The following KAZN variants were observed in gnomAD, a reference collection of about 807,000 sequenced individuals.
The protein encoded by KAZN is kazrin, periplakin interacting protein, also known as kazrin.
In KAZN, 40 loss-of-function variants were observed where a neutral mutation model predicts 87.4. The ratio of observed to expected loss-of-function variants is 0.46; its 90% CI spans 0.36 to 0.60. KAZN has a LOEUF of 0.60. Ranked by LOEUF, KAZN falls within the 20% of genes least tolerant of loss-of-function variation. The pLI, the probability that KAZN is intolerant of heterozygous loss-of-function variation, is 0.00. For synonymous variants in KAZN, 466 were observed against 458.3 expected (o/e 1.02, Z -0.22); for missense variants, 898 against 1,073.9 (o/e 0.84, Z 2.29).
At chr1:14,664,941 C>T (rs1016489387) in intron 1 of KAZN, among the ~76,000 whole-genome samples, 7 of 152,192 alleles carry the variant, frequency 4.6e-5, no homozygotes, top group Non-Finnish European at 8.8e-5. Flanking sequence ...AGGCATGAGC[C>T]ACCGCACCCG....
At chr1:14,798,416 C>CTTTTTTTTTT (rs545959773) in intron 1 of KAZN, among the ~76,000 whole-genome samples, 2 of 88,148 alleles carry the variant, frequency 2.3e-5, no homozygotes, top group Non-Finnish European at 4.1e-5. Context: ...TGTTTCTTTC[C>CTTTTTTTTTT]TTTTTTTTTT....
intron 2 of KAZN, among the ~76,000 whole-genome samples, chr1:14,292,755 T>C (rs1402177619): frequency 6.6e-6 from 1 of 152,224 alleles, no homozygotes; most frequent in Non-Finnish European, 1.5e-5. Context: ...ATTTCTCATG[T>C]TGGCCGCAGG....
chr1:13,943,452 ATT>A lies in KAZN; in HGVS notation c.91+49701_91+49702del, dbSNP rs937185545. On this transcript the variant is annotated intron_variant, in intron 1 of 16. Coordinates refer to the KAZN transcript ENST00000636203. ...AGACCCCATCTCTATGTTAAAAAAA[ATT>A]TTTTAAAAAAAATAATAACCACCTA... Among the ~76,000 whole-genome samples the A allele has an allele frequency of 2.0e-4, 29 of 144,698 alleles. 1 individual carries two copies. Among genetic ancestry groups the A allele is most frequent in the Middle Eastern group, 3.8e-3 (1 of 260 alleles). 94.9% of individuals were successfully genotyped at this position (144,698 alleles called of 152,430 possible). A position where few individuals can be genotyped will look rare whatever the true frequency, so the allele number is the denominator to read the frequency against.
chr1:14,116,696 C>A (rs1447569426), intron 1 of KAZN, among the ~76,000 whole-genome samples: 2 of 152,096 alleles, frequency 1.3e-5, no homozygotes, highest in East Asian at 3.9e-4. Context: ...TCCTCCAGAC[C>A]CCAGAATGGT....
chr1:14,040,208 C>T (rs1641751844), intron 1 of KAZN, among the ~76,000 whole-genome samples: 2 of 151,988 alleles, frequency 1.3e-5, no homozygotes, highest in Non-Finnish European at 2.9e-5. Flanking sequence ...CTCATTTCCA[C>T]CAAATGTGAG....
chr1:13,947,120 A>G (rs1402683537), intron 1 of KAZN, among the ~76,000 whole-genome samples: 1 of 152,098 alleles, frequency 6.6e-6, no homozygotes, highest in Non-Finnish European at 1.5e-5. Context: ...GAGACTTGGT[A>G]ATTCATAAAG....
intron 1 of KAZN, among the ~76,000 whole-genome samples, chr1:13,919,234 C>T (rs1040806543): frequency 1.1e-4 from 17 of 152,216 alleles, no homozygotes; most frequent in African/African-American, 2.9e-4. Flanking sequence ...CTCCCAAGCA[C>T]GACCTCTGTC....
chr1:14,088,830 T>G (rs1643909273), intron 1 of KAZN, among the ~76,000 whole-genome samples: 2 of 151,834 alleles, frequency 1.3e-5, no homozygotes, highest in South Asian at 4.2e-4. Flanking sequence ...TCCATGCACA[T>G]TTAGCATTTT....
chr1:15,082,725 C>T (rs1640065684), intron 8 of KAZN, among the ~76,000 whole-genome samples: 1 of 152,206 alleles, frequency 6.6e-6, no homozygotes, highest in African/African-American at 2.4e-5. Context: ...CGGAGTCTCG[C>T]TCTGTCGCTC....
At chr1:14,002,267 T>C (rs773275021) in intron 1 of KAZN, among the ~76,000 whole-genome samples, 5 of 152,068 alleles carry the variant, frequency 3.3e-5, no homozygotes, top group Non-Finnish European at 5.9e-5. Context: ...ACATCACTGA[T>C]TGATATGGTT....
intron 1 of KAZN, among the ~76,000 whole-genome samples, chr1:14,959,233 A>G (rs1189493426): frequency 6.6e-6 from 1 of 152,202 alleles, no homozygotes; most frequent in Non-Finnish European, 1.5e-5. Flanking sequence ...TAAATACAGC[A>G]TCACACAGGG....
intron 2 of KAZN, among the ~76,000 whole-genome samples, chr1:15,020,738 C>T (rs1196531420): frequency 6.6e-6 from 1 of 152,174 alleles, no homozygotes; most frequent in Non-Finnish European, 1.5e-5. Flanking sequence ...TGAACTTTTT[C>T]GTGCAGGTGA....
chr1:14,291,207 C>T (rs896372884), intron 2 of KAZN, among the ~76,000 whole-genome samples: 6 of 152,254 alleles, frequency 3.9e-5, no homozygotes, highest in Non-Finnish European at 7.3e-5. Context: ...AGAACCACTG[C>T]TCTCTTCAGA....
At chr1:14,878,845 C>G (rs1653037772) in intron 1 of KAZN, among the ~76,000 whole-genome samples, 1 of 152,248 alleles carries the variant, frequency 6.6e-6, no homozygotes, top group East Asian at 1.9e-4. Flanking sequence ...TAGGAAAGTC[C>G]ATTGAATATT....
intron 1 of KAZN, among the ~76,000 whole-genome samples, chr1:14,701,547 C>T (rs1641922982): frequency 1.3e-5 from 2 of 152,228 alleles, no homozygotes; most frequent in Admixed American, 6.5e-5. Flanking sequence ...AATCGCAGCA[C>T]TTTGGAGGCC....
At chr1:14,271,557 T>A (rs1187757490) in intron 2 of KAZN, among the ~76,000 whole-genome samples, 1 of 152,222 alleles carries the variant, frequency 6.6e-6, no homozygotes, top group African/African-American at 2.4e-5. Context: ...ACTGGAAATA[T>A]AACTGTCATC....
intron 3 of KAZN, among the ~76,000 whole-genome samples, chr1:15,039,068 C>A (rs968006814): frequency 6.6e-6 from 1 of 150,648 alleles, no homozygotes; most frequent in Non-Finnish European, 1.5e-5. Context: ...TGTGCTATTA[C>A]CAACAGCAGA....
At chr1:15,024,685 C>T (rs1368492895) in intron 2 of KAZN, among the ~76,000 whole-genome samples, 1 of 152,230 alleles carries the variant, frequency 6.6e-6, no homozygotes, top group Admixed American at 6.5e-5. Context: ...CCTCACACTC[C>T]TGGACCTGGG....
At chr1:14,356,580 T>C (rs993706863) in intron 2 of KAZN, among the ~76,000 whole-genome samples, 4 of 152,330 alleles carry the variant, frequency 2.6e-5, no homozygotes, top group Non-Finnish European at 5.9e-5. Flanking sequence ...AAGTCTTTAA[T>C]CCATCTTGAG....
Sources: allele counts gnomAD v4.1 joint callset (sites outside exome capture counted in the v4.1 genomes callset), GRCh38; gene constraint gnomAD v4.1.1; transcripts MANE v1.5; gene names NCBI Gene and HGNC (gene_info 2026-07-23, HGNC 2026-07-21).